The following ASTN1 variants were observed in gnomAD, a reference collection of about 807,000 sequenced individuals.
ASTN1 encodes the protein astrotactin-1.
In ASTN1, 41 loss-of-function variants were observed where a neutral mutation model predicts 140.7. That is an observed-to-expected ratio of 0.29 (90% CI 0.23 to 0.38). The LOEUF is 0.38. ASTN1 is among the 10% of genes least tolerant of loss of function. The pLI, the probability that ASTN1 is intolerant of heterozygous loss-of-function variation, is 1.00. For synonymous variants in ASTN1, 640 were observed against 652.2 expected (o/e 0.98, Z 0.29); for missense variants, 1,479 against 1,678.8 (o/e 0.88, Z 2.08).
intron 22 of ASTN1, among the ~76,000 whole-genome samples, chr1:176,865,638 T>G (rs1300727699): frequency 2.6e-5 from 4 of 152,198 alleles, no homozygotes; most frequent in Non-Finnish European, 4.4e-5. Context: ...TAAACACTAT[T>G]CTTTGCAGCA....
At chr1:177,072,484 C>T (rs768366173) in intron 1 of ASTN1, among the ~76,000 whole-genome samples, 1 of 152,164 alleles carries the variant, frequency 6.6e-6, no homozygotes, top group African/African-American at 2.4e-5. Context: ...AATGACCTGA[C>T]AGGCATAGCT....
chr1:177,034,353 G>T (rs1286829513), intron 2 of ASTN1, among the ~76,000 whole-genome samples: 2 of 151,860 alleles, frequency 1.3e-5, no homozygotes, highest in African/African-American at 4.8e-5. Context: ...CCAAGTGACA[G>T]CCTATATCAT....
chr1:176,930,089 G>T (rs1053889395), intron 16 of ASTN1, among the ~76,000 whole-genome samples: 1 of 152,166 alleles, frequency 6.6e-6, no homozygotes, highest in African/African-American at 2.4e-5. Context: ...ATACACACGA[G>T]GGAACGATTG....
chr1:176,941,771 T>G (rs1671723224), intron 14 of ASTN1, among the ~76,000 whole-genome samples: 1 of 152,246 alleles, frequency 6.6e-6, no homozygotes, highest in Non-Finnish European at 1.5e-5. Context: ...TGCAGATCTT[T>G]AAACAGAGCC....
At chr1:177,153,864 A>T (rs1683138820) in intron 1 of ASTN1, among the ~76,000 whole-genome samples, 1 of 152,172 alleles carries the variant, frequency 6.6e-6, no homozygotes, top group Non-Finnish European at 1.5e-5. Flanking sequence ...TATGAAAGGA[A>T]TAACAATTAG....
intron 2 of ASTN1, among the ~76,000 whole-genome samples, chr1:177,048,787 C>T (rs1053615142): frequency 6.6e-6 from 1 of 152,184 alleles, no homozygotes; most frequent in African/African-American, 2.4e-5. Flanking sequence ...TAGAGAGACT[C>T]GCTGGAGACA....
At chr1:176,983,791 C>G (rs1388533075) in intron 8 of ASTN1, among the ~76,000 whole-genome samples, 1 of 152,206 alleles carries the variant, frequency 6.6e-6, no homozygotes, top group African/African-American at 2.4e-5. Context: ...GCCTCTTTCT[C>G]TCTCTCAAGC....
Position 177,032,688 on chromosome 1 carries a change from C to A in ASTN1, c.633G>T (p.Gly211=). Reference sequence around the variant, plus strand: ...CATTGCGCAGGCTCTCCCGTCCGTGCCCGCCGATCAGCACAGAAGGAATGT... The same window carrying A: ...CATTGCGCAGGCTCTCCCGTCCGTGACCGCCGATCAGCACAGAAGGAATGT... ...IHYIPSVLIG[G]HGRESLRNAR... Residue 211 remains glycine (G), a synonymous_variant, in exon 3 of 23, where the codon GGG becomes GGT. Transcript: ENST00000361833. 1 of 1,614,088 alleles carries A rather than the reference C, an allele frequency of 6.2e-7. No individual in the cohort carries two copies. The highest frequency in any genetic ancestry group is 8.5e-7 in the Non-Finnish European group (1 of 1,180,032).
chr1:177,078,262 G>T (rs926285149), intron 1 of ASTN1, among the ~76,000 whole-genome samples: 2 of 152,164 alleles, frequency 1.3e-5, no homozygotes, highest in Non-Finnish European at 2.9e-5. Flanking sequence ...TGCCTTGAGG[G>T]TTGGCTGACA....
chr1:177,090,676 T>C (rs1335389620), intron 1 of ASTN1, among the ~76,000 whole-genome samples: 1 of 152,226 alleles, frequency 6.6e-6, no homozygotes, highest in Admixed American at 6.5e-5. Flanking sequence ...GCCACACATC[T>C]ACAGAGAGCT....
intron 2 of ASTN1, among the ~76,000 whole-genome samples, chr1:177,043,843 A>G (rs773617944): frequency 3.3e-5 from 5 of 152,182 alleles, no homozygotes; most frequent in Non-Finnish European, 5.9e-5. Flanking sequence ...GGCATCATAC[A>G]GGGGAAGGAG....
Position 177,030,944 on chromosome 1 carries a change from T to C in ASTN1, c.874A>G (p.Asn292Asp). The change falls in exon 4 of 23, where the codon AAT becomes GAT. Residue 292 changes from asparagine (N) to aspartate (D), a missense_variant. Physicochemically the swap from Asn to Asp is conservative, Grantham distance 23 (BLOSUM62 1). This residue lies in a region of ASTN1 where 729 missense variants were observed against 860.4 expected (regional missense o/e 0.85). Coordinates refer to ENST00000361833, the MANE Select transcript of ASTN1 (RefSeq NM_004319.3). Reference protein sequence around the residue: ...SGMDLTPGSDNAKLSLMNKYK... With the variant: ...SGMDLTPGSDDAKLSLMNKYK... ...TTGTTCATCAGTGACAGCTTGGCAT[T>C]GTCACTTCCTGTATAAGGAAAAGAC... 6.2e-7 allele frequency: 1 copy of C among 1,612,382 alleles called. No individual in the cohort carries two copies. The highest frequency in any genetic ancestry group is 8.5e-7 in the Non-Finnish European group (1 of 1,179,108).
chr1:177,088,603 T>A (rs1392296829), intron 1 of ASTN1, among the ~76,000 whole-genome samples: 3 of 152,104 alleles, frequency 2.0e-5, no homozygotes, highest in Non-Finnish European at 4.4e-5. Context: ...TTTTGAAAAA[T>A]CCTACCCTCT....
intron 7 of ASTN1, among the ~76,000 whole-genome samples, chr1:177,017,822 C>T (rs1263809613): frequency 6.6e-6 from 1 of 152,146 alleles, no homozygotes; most frequent in Non-Finnish European, 1.5e-5. Flanking sequence ...ACAGTAGACG[C>T]CTCGAGGTAC....
chr1:177,062,933 T>C (rs1054728016), intron 1 of ASTN1, among the ~76,000 whole-genome samples: 6 of 152,178 alleles, frequency 3.9e-5, no homozygotes, highest in Admixed American at 1.3e-4. Flanking sequence ...TGGCAAAGCT[T>C]TGTGGGAACA....
intron 5 of ASTN1, among the ~76,000 whole-genome samples, chr1:177,026,016 C>A (rs1057074302): frequency 1.3e-5 from 2 of 152,196 alleles, no homozygotes; most frequent in African/African-American, 2.4e-5. Flanking sequence ...GACACAGGAA[C>A]AATGCACTAC....
chr1:176,875,169 G>T (rs1668509349), intron 21 of ASTN1, among the ~76,000 whole-genome samples: 1 of 152,162 alleles, frequency 6.6e-6, no homozygotes, highest in Non-Finnish European at 1.5e-5. Flanking sequence ...AGAATAAGAG[G>T]TGTTCATCAG....
intron 11 of ASTN1, among the ~76,000 whole-genome samples, chr1:176,951,348 C>T (rs72718676): frequency 0.12 from 17,785 of 152,204 alleles, 1,351 homozygotes; most frequent in East Asian, 0.18. Context: ...CAGCACTGTG[C>T]GGCTGCCCAG....
At position 176,894,669 on chromosome 1, in the gene ASTN1, G is replaced by A. The variant is rs1669422841; in HGVS notation, c.2833C>T (p.Leu945=). 4 of 1,613,942 alleles carry A rather than the reference G, an allele frequency of 2.5e-6. No individual in the cohort carries two copies. Among genetic ancestry groups the A allele is most frequent in the African/African-American group, 1.3e-5 (1 of 74,920 alleles). The change falls in exon 17 of 23, where the codon CTG becomes TTG. Residue 945 remains leucine (L), a synonymous_variant. Coordinates refer to ENST00000361833, the MANE Select transcript of ASTN1 (RefSeq NM_004319.3). Reference sequence around the variant, plus strand: ...TCAGGGCTGGATGTCACATGACACAGGGGGCAGGACGAGGGGCATCGTCCC... The same window carrying A: ...TCAGGGCTGGATGTCACATGACACAAGGGGCAGGACGAGGGGCATCGTCCC... ...SKGRCPSSCP[L]CHVTSSPDTP...
Sources: gnomAD v4.1 joint callset for allele counts (sites outside exome capture counted in the v4.1 genomes callset) on GRCh38, gnomAD v4.1.1 for gene constraint, gnomAD v4.1.1 regional missense constraint, MANE v1.5 for transcripts, NCBI Gene and HGNC (gene_info 2026-07-23, HGNC 2026-07-21) for gene names.